KRABD3: variants seen among roughly 807,000 people sequenced by gnomAD.
KRABD3 encodes the protein KRAB domain containing 3, also known as KRAB domain-containing protein 3.
At chr7:149,725,212 C>T in the KRABD3 span, 227 of 1,175,946 alleles carry the variant, frequency 1.9e-4, 3 homozygotes, top group Admixed American at 5.6e-3. Flanking sequence ...GTACAGGACT[C>T]GTCACCCCTG....
chr7:149,714,989 G>A, the KRABD3 span: 14 of 1,204,862 alleles, frequency 1.2e-5, no homozygotes, highest in Non-Finnish European at 1.4e-5. Flanking sequence ...GCCGACGAGG[G>A]TCGCGTGCGC....
chr7:149,730,294 G>A, the KRABD3 span: 1 of 1,550,278 alleles, frequency 6.5e-7, no homozygotes, highest in East Asian at 2.4e-5. Context: ...GGCTCTGAAG[G>A]AGAAGACCCG....
chr7:149,715,831 A>C, the KRABD3 span, among the ~76,000 whole-genome samples: 1 of 152,156 alleles, frequency 6.6e-6, no homozygotes, highest in Admixed American at 6.5e-5. Context: ...TTGGGCAGGG[A>C]CAGTCAAGTG....
chr7:149,725,348 T>C, the KRABD3 span: 13 of 1,601,436 alleles, frequency 8.1e-6, no homozygotes, highest in African/African-American at 1.3e-5. Context: ...CTGGAAGCCC[T>C]GGAAGCCTGT....
the KRABD3 span, chr7:149,725,815 G>A: frequency 6.9e-5 from 95 of 1,379,136 alleles, no homozygotes; most frequent in Admixed American, 2.5e-4. Context: ...TCTGGTGCCC[G>A]TGCACCCCAT....
chr7:149,733,593 C>T, the KRABD3 span: 253 of 1,597,382 alleles, frequency 1.6e-4, no homozygotes, highest in Non-Finnish European at 2.0e-4. Flanking sequence ...CAGAAGGGAC[C>T]CACGAGGCCT....
chr7:149,734,067 A>G, the KRABD3 span: 10 of 1,578,756 alleles, frequency 6.3e-6, no homozygotes, highest in Non-Finnish European at 8.6e-6. Flanking sequence ...TCTTCTCCAC[A>G]TCTGCTCGTT....
At chr7:149,723,620 G>A in the KRABD3 span, 1 of 1,001,742 alleles carries the variant, frequency 1.0e-6, no homozygotes, top group South Asian at 1.8e-5. Context: ...GCCACTGGAA[G>A]AGCCTCATCT....
the KRABD3 span, among the ~76,000 whole-genome samples, chr7:149,716,738 C>A: frequency 6.6e-6 from 1 of 152,108 alleles, no homozygotes; most frequent in Non-Finnish European, 1.5e-5. Flanking sequence ...TGGTCAGGAG[C>A]AGTATGTGGA....
At chr7:149,723,821 C>T in the KRABD3 span, 1 of 1,613,956 alleles carries the variant, frequency 6.2e-7, no homozygotes, top group African/African-American at 1.3e-5. Flanking sequence ...GACAGGCATC[C>T]CAGTCCCTCA....
At chr7:149,725,355 C>T in the KRABD3 span, 4 of 1,603,884 alleles carry the variant, frequency 2.5e-6, no homozygotes, top group Non-Finnish European at 3.4e-6. Flanking sequence ...CCCTGGAAGC[C>T]TGTCTGAAGG....
the KRABD3 span, among the ~76,000 whole-genome samples, chr7:149,717,679 G>A: frequency 6.6e-6 from 1 of 152,128 alleles, no homozygotes; most frequent in African/African-American, 2.4e-5. Flanking sequence ...GGGAGGGGCT[G>A]CCCCTTGCCA....
At chr7:149,730,736 G>A in the KRABD3 span, 23 of 894,838 alleles carry the variant, frequency 2.6e-5, no homozygotes, top group African/African-American at 3.7e-4. Flanking sequence ...CGAGAAGGAG[G>A]GCGGGGCTGC....
At chr7:149,720,439 A>G in the KRABD3 span, among the ~76,000 whole-genome samples, 1 of 152,208 alleles carries the variant, frequency 6.6e-6, no homozygotes, top group East Asian at 1.9e-4. Flanking sequence ...CGAGGCTTAC[A>G]TCCCAAGACC....
chr7:149,733,907 G>T, the KRABD3 span: 2 of 1,591,924 alleles, frequency 1.3e-6, no homozygotes, highest in Non-Finnish European at 1.7e-6. Context: ...AGATGCAGAC[G>T]TGCCGACCTC....
the KRABD3 span, among the ~76,000 whole-genome samples, chr7:149,716,270 C>T: frequency 3.9e-5 from 6 of 152,174 alleles, no homozygotes; most frequent in African/African-American, 7.2e-5. Flanking sequence ...GCTAGTGACA[C>T]GGTGGAAGGG....
chr7:149,731,740 G>A, the KRABD3 span: 2 of 1,612,388 alleles, frequency 1.2e-6, no homozygotes, highest in Middle Eastern at 1.7e-4. Context: ...AGCATCCAGA[G>A]GCCTGGAGCT....
the KRABD3 span, chr7:149,721,040 G>T: frequency 1.9e-6 from 3 of 1,597,538 alleles, no homozygotes; most frequent in Middle Eastern, 1.7e-4. Context: ...CACTCCGCAT[G>T]ATGAAGCACA....
chr7:149,719,871 C>T, the KRABD3 span: 79 of 1,246,128 alleles, frequency 6.3e-5, no homozygotes, highest in Non-Finnish European at 7.5e-5. The surrounding 1 kb of genome is among the most constrained non-coding windows in gnomAD (Gnocchi z 5.6). Context: ...TCTGAGGTTC[C>T]GACCACTCTG....
Sources: allele counts gnomAD v4.1 joint callset (sites outside exome capture counted in the v4.1 genomes callset), GRCh38; gene constraint gnomAD v4.1.1; non-coding constraint Gnocchi (gnomAD v3.1); transcripts MANE v1.5; gene names NCBI Gene and HGNC (gene_info 2026-07-23, HGNC 2026-07-21).